RBFOX1: variants seen among roughly 807,000 people sequenced by gnomAD.
RBFOX1 encodes RNA binding fox-1 homolog 1, also known as RNA binding protein fox-1 homolog 1.
In RBFOX1, 8 loss-of-function variants were observed where a neutral mutation model predicts 57.7. The observed-to-expected ratio is 0.14, with a 90% confidence interval of 0.08 to 0.25. The LOEUF (loss-of-function observed/expected upper bound fraction) is 0.25, where lower values mean the gene tolerates loss of function less well. Among genes scored for constraint, RBFOX1 ranks in the 10% least tolerant of loss-of-function variants. The pLI is 1.00. For missense variants in RBFOX1, 611 were observed against 548.5 expected (o/e 1.11, Z -1.14); for synonymous variants, 326 against 222.4 (o/e 1.47, Z -4.15).
chr16:6,428,631 C>T (rs2093994833), intron 2 of RBFOX1, among the ~76,000 whole-genome samples: 1 of 152,164 alleles, frequency 6.6e-6, no homozygotes, highest in Non-Finnish European at 1.5e-5. Flanking sequence ...GGATAATAAG[C>T]TTGCTGTCAT....
chr16:7,168,464 C>A (rs560730412), intron 4 of RBFOX1, among the ~76,000 whole-genome samples: 1 of 152,170 alleles, frequency 6.6e-6, no homozygotes, highest in African/African-American at 2.4e-5. Context: ...CATTGGCGAG[C>A]TCAAAGAGGT....
intron 3 of RBFOX1, among the ~76,000 whole-genome samples, chr16:6,825,175 G>A (rs2091959886): frequency 6.7e-6 from 1 of 150,106 alleles, no homozygotes; most frequent in African/African-American, 2.4e-5. Context: ...CTGGTCAGAT[G>A]ATCCTTTCTT....
At chr16:6,955,565 C>G (rs780408667) in intron 3 of RBFOX1, among the ~76,000 whole-genome samples, 1 of 152,096 alleles carries the variant, frequency 6.6e-6, no homozygotes, top group African/African-American at 2.4e-5. Context: ...CTGTGAACAT[C>G]TTAGTGTAAT....
intron 4 of RBFOX1, among the ~76,000 whole-genome samples, chr16:5,915,001 T>G (rs1339746184): frequency 6.6e-6 from 1 of 152,168 alleles, no homozygotes; most frequent in Admixed American, 6.5e-5. Flanking sequence ...GTGCCATCAC[T>G]TTTGCTCTAT....
At chr16:6,996,016 C>T (rs532436710) in intron 3 of RBFOX1, among the ~76,000 whole-genome samples, 7 of 152,220 alleles carry the variant, frequency 4.6e-5, no homozygotes, top group African/African-American at 1.7e-4. Context: ...CAAATCTAAA[C>T]TTCTCAACTT....
At chr16:6,083,029 T>A (rs1346515665) in intron 1 of RBFOX1, among the ~76,000 whole-genome samples, 1 of 150,108 alleles carries the variant, frequency 6.7e-6, no homozygotes, top group African/African-American at 2.5e-5. Context: ...TTAGATGGAG[T>A]CTTGCTCTGT....
At chr16:7,467,860 A>G (rs2060816474) in intron 4 of RBFOX1, among the ~76,000 whole-genome samples, 1 of 152,220 alleles carries the variant, frequency 6.6e-6, no homozygotes, top group Admixed American at 6.5e-5. Flanking sequence ...TCTATAGCCA[A>G]AGTAATGAGC....
At chr16:5,279,814 T>G (rs1206669511) in intron 1 of RBFOX1, among the ~76,000 whole-genome samples, 1 of 152,166 alleles carries the variant, frequency 6.6e-6, no homozygotes, top group Non-Finnish European at 1.5e-5. Context: ...ATTTATCCAT[T>G]TTAAGAGTTT....
intron 3 of RBFOX1, among the ~76,000 whole-genome samples, chr16:6,675,769 C>T (rs898263521): frequency 1.3e-5 from 2 of 152,158 alleles, no homozygotes; most frequent in South Asian, 2.1e-4. Flanking sequence ...GATTTACTCA[C>T]TACCACAAGA....
At chr16:6,656,901 A>AGCTCTCCTCTCCTCC (rs1568077752) in intron 3 of RBFOX1, among the ~76,000 whole-genome samples, 1 of 35,056 alleles carries the variant, frequency 2.9e-5, no homozygotes, top group African/African-American at 1.3e-4. Context: ...TCCTCCCCTC[A>AGCTCTCCTCTCCTCC]ACTCTCCTCT....
rs993986749 is a variant in RBFOX1, at chr16:6,766,968, C to T, written c.-16+112318C>T. 5.3e-5 allele frequency among the ~76,000 whole-genome samples: 8 copies of T among 152,184 alleles called. 1 individual carries two copies. The Middle Eastern group carries it at 0.01, about 197-fold the overall frequency. On this transcript the variant is annotated intron_variant, in intron 3 of 15. Coordinates refer to ENST00000550418, the MANE Select transcript of RBFOX1 (RefSeq NM_018723.4). ...CTAGCCCTTGGTAAGTCGGGGGAGG[C>T]TGAAGGCTGAAGGAACAACCTTCCA... is the stretch of plus-strand genomic sequence containing the variant.
intron 3 of RBFOX1, among the ~76,000 whole-genome samples, chr16:5,622,622 G>A (rs987824806): frequency 6.6e-6 from 1 of 152,154 alleles, no homozygotes; most frequent in Non-Finnish European, 1.5e-5. Context: ...GGCCAAATCC[G>A]GCCCGATGCC....
intron 4 of RBFOX1, among the ~76,000 whole-genome samples, chr16:5,998,205 A>G (rs2060523264): frequency 6.6e-6 from 1 of 152,210 alleles, no homozygotes; most frequent in Non-Finnish European, 1.5e-5. Context: ...AAAATTCATG[A>G]ACATACACTA....
chr16:5,596,058 G>A (rs2047170168), intron 2 of RBFOX1, among the ~76,000 whole-genome samples: 1 of 152,152 alleles, frequency 6.6e-6, no homozygotes, highest in African/African-American at 2.4e-5. Flanking sequence ...CAGCTAAAGA[G>A]GACACCAGGC....
chr16:7,124,462 T>C (rs1319247985), intron 4 of RBFOX1, among the ~76,000 whole-genome samples: 1 of 151,826 alleles, frequency 6.6e-6, no homozygotes, highest in African/African-American at 2.4e-5. Context: ...AAATATGTAC[T>C]GTACACTTCT....
chr16:6,828,996 T>G (rs2092467611), intron 3 of RBFOX1, among the ~76,000 whole-genome samples: 1 of 151,946 alleles, frequency 6.6e-6, no homozygotes, highest in South Asian at 2.1e-4. Flanking sequence ...TCTCTGTACT[T>G]CCACTGTTGC....
At chr16:5,493,891 T>A (rs1301648596) in intron 2 of RBFOX1, among the ~76,000 whole-genome samples, 1 of 152,166 alleles carries the variant, frequency 6.6e-6, no homozygotes, top group Non-Finnish European at 1.5e-5. Context: ...TTAATCACCC[T>A]GTCTCATTTG....
intron 3 of RBFOX1, among the ~76,000 whole-genome samples, chr16:7,016,463 G>A (rs1453817033): frequency 6.6e-6 from 1 of 152,136 alleles, no homozygotes; most frequent in African/African-American, 2.4e-5. Flanking sequence ...CTTGTTTCGG[G>A]ACGTAACCTA....
intron 1 of RBFOX1, among the ~76,000 whole-genome samples, chr16:6,120,804 G>A (rs1040973154): frequency 2.0e-5 from 3 of 152,090 alleles, no homozygotes; most frequent in African/African-American, 7.2e-5. Flanking sequence ...CAGTTCTGGT[G>A]CTGCTAACAT....
Sources: allele counts gnomAD v4.1 joint callset (sites outside exome capture counted in the v4.1 genomes callset), GRCh38; gene constraint gnomAD v4.1.1; transcripts MANE v1.5; gene names NCBI Gene and HGNC (gene_info 2026-07-23, HGNC 2026-07-21).